YME1L1: variants seen among roughly 807,000 people sequenced by gnomAD.
YME1L1 encodes YME1 like 1 ATPase.
In YME1L1, 39 loss-of-function variants were observed where a neutral mutation model predicts 90.4. The ratio of observed to expected loss-of-function variants is 0.43; its 90% CI spans 0.33 to 0.56. YME1L1 has a LOEUF of 0.56. YME1L1 is among the 20% of genes least tolerant of loss of function. The pLI, the probability that YME1L1 is intolerant of heterozygous loss-of-function variation, is 0.03. For missense variants in YME1L1, 617 were observed against 868.4 expected, an observed-to-expected ratio of 0.71 and a Z score of 3.64; for synonymous variants, 284 against 287.3, an observed-to-expected ratio of 0.99 and a Z score of 0.12.
intron 7 of YME1L1, 51 bp from the exon 8 acceptor site, chr10:27,131,992 A>G: frequency 6.8e-7 from 1 of 1,472,656 alleles, no homozygotes; most frequent in Non-Finnish European, 9.3e-7. Flanking sequence ...TAACATTCCA[A>G]TCACCTTGTT....
In YME1L1 at chr10:27,111,959, T is replaced by A. The variant is rs755135572; in HGVS notation, c.*18A>T. On this transcript the variant is annotated 3_prime_UTR_variant, in exon 19 of 19. Coordinates refer to ENST00000376016, the MANE Select transcript of YME1L1 (RefSeq NM_014263.4). The stretch of plus-strand genomic sequence containing the variant: ...ATTCTTGCAATAAAACCAGCAAGCA[T>A]CCATATCAAGAGAGTTATCATCTCA... 6.2e-7 allele frequency: 1 copy of A among 1,613,832 alleles called. No individual in the cohort carries two copies. The highest frequency in any genetic ancestry group is 1.1e-5 in the South Asian group (1 of 91,066).
At chr10:27,147,767 A>G in intron 2 of YME1L1, 5 of 1,491,350 alleles carry the variant, frequency 3.4e-6, no homozygotes, top group Non-Finnish European at 4.5e-6. Context: ...GCTCCTGTCA[A>G]TTGTGCAGTT....
intron 4 of YME1L1, among the ~76,000 whole-genome samples, chr10:27,138,667 A>ACT (rs1216483692): frequency 6.6e-6 from 1 of 151,858 alleles, no homozygotes; most frequent in African/African-American, 2.4e-5. Context: ...AATGCAGTGA[A>ACT]CTCTTTATTT....
chr10:27,129,273 C>T (rs943694330), intron 8 of YME1L1: 3 of 152,096 alleles, frequency 2.0e-5, no homozygotes, highest in Non-Finnish European at 4.4e-5. Flanking sequence ...ACGCTGATGA[C>T]TGAAGTTTTC....
At chr10:27,132,547 C>A (rs756187716) in intron 7 of YME1L1, among the ~76,000 whole-genome samples, 1 of 151,946 alleles carries the variant, frequency 6.6e-6, no homozygotes, top group African/African-American at 2.4e-5. Context: ...AAAGACTGGG[C>A]GTGGTGGCTC....
chr10:27,147,487 C>A (rs543609810), intron 2 of YME1L1: 1 of 1,613,992 alleles, frequency 6.2e-7, no homozygotes, highest in South Asian at 1.1e-5. Flanking sequence ...TTGGAGAAAC[C>A]CGCAGTGTAC....
intron 11 of YME1L1, 125 bp downstream of exon 11, chr10:27,122,716 C>T (rs1564457937): frequency 1.8e-5 from 23 of 1,309,650 alleles, no homozygotes; most frequent in Non-Finnish European, 2.4e-5. Flanking sequence ...TTCCTATACA[C>T]ATCACATTTT....
chr10:27,121,799 C>T (rs2056870528), intron 11 of YME1L1, among the ~76,000 whole-genome samples: 1 of 145,742 alleles, frequency 6.9e-6, no homozygotes, highest in East Asian at 2.0e-4. Flanking sequence ...GGTTGGAGTT[C>T]AATGGTGCTC....
At chr10:27,126,568 T>A in intron 9 of YME1L1, 128 bp downstream of exon 9, 2 of 553,402 alleles carry the variant, frequency 3.6e-6, no homozygotes, top group Non-Finnish European at 6.3e-6. Flanking sequence ...TGAACATCTA[T>A]TTTGTAAAAT....
intron 3 of YME1L1, among the ~76,000 whole-genome samples, chr10:27,143,171 AG>A (rs1376029650): frequency 2.0e-5 from 3 of 148,268 alleles, no homozygotes; most frequent in African/African-American, 7.5e-5. Flanking sequence ...GGAGTTTGAG[AG>A]CAGCCTGAGC....
chr10:27,113,033 G>A (rs540266467), intron 18 of YME1L1, among the ~76,000 whole-genome samples: 6 of 150,970 alleles, frequency 4.0e-5, no homozygotes, highest in African/African-American at 1.2e-4. Context: ...ACCAGCCTGG[G>A]TAACATAGTG....
intron 8 of YME1L1, chr10:27,129,300 A>G (rs1432733093): frequency 6.6e-6 from 1 of 152,116 alleles, no homozygotes; most frequent in Non-Finnish European, 1.5e-5. Context: ...TCACTGCACC[A>G]ACCTCTTCCT....
Position 27,145,502 on chromosome 10 carries a change from C to T in YME1L1, c.257G>A (p.Cys86Tyr). 6.2e-7 allele frequency: 1 copy of T among 1,613,530 alleles called. No individual in the cohort carries two copies. The highest frequency in any genetic ancestry group is 8.5e-7 in the Non-Finnish European group (1 of 1,179,654). ...ATGGGAAGAAATGTTTTTGCCTTTA[C>T]AAAATCCAGGAAGTAGATTTTCTAC... ...QLVENLLPGF[C>Y]KGKNISSHWH... Residue 86 changes from cysteine to tyrosine, a missense_variant, in exon 3 of 19, where the codon TGT becomes TAT. This residue lies in a region of YME1L1 where 311 missense variants were observed against 335.8 expected (regional missense o/e 0.93). Transcript: ENST00000376016.
At chr10:27,120,403 C>G (rs1465371983) in intron 13 of YME1L1, 32 bp downstream of exon 13, 1 of 1,527,546 alleles carries the variant, frequency 6.5e-7, no homozygotes, top group African/African-American at 1.4e-5. Flanking sequence ...TACCACTTTA[C>G]AGAAATGACA....
intron 15 of YME1L1, among the ~76,000 whole-genome samples, chr10:27,117,240 T>C (rs1317339443): frequency 6.6e-6 from 1 of 152,154 alleles, no homozygotes; most frequent in Non-Finnish European, 1.5e-5. Flanking sequence ...CAAAACATAA[T>C]GTTTTCCCTT....
chr10:27,133,279 T>A (rs907233828), intron 7 of YME1L1, among the ~76,000 whole-genome samples: 1 of 152,170 alleles, frequency 6.6e-6, no homozygotes. Context: ...AGTAAAATAT[T>A]TGAGATCAAT....
chr10:27,124,360 T>C (rs566658367), intron 9 of YME1L1, among the ~76,000 whole-genome samples: 15 of 152,188 alleles, frequency 9.9e-5, no homozygotes, highest in South Asian at 8.3e-4. Context: ...TGGATGTTAA[T>C]TGTACTGTTC....
intron 2 of YME1L1, chr10:27,147,731 A>T: frequency 6.5e-7 from 1 of 1,543,442 alleles, no homozygotes; most frequent in Non-Finnish European, 8.8e-7. Flanking sequence ...TCCTGTCTGT[A>T]ACACCCGTGG....
At chr10:27,145,103 T>C (rs2057128507) in intron 3 of YME1L1, among the ~76,000 whole-genome samples, 2 of 152,254 alleles carry the variant, frequency 1.3e-5, no homozygotes, top group South Asian at 4.1e-4. Context: ...ATTGTGCCAC[T>C]GCACTCCAGC....
Sources: gnomAD v4.1 joint callset for allele counts (sites outside exome capture counted in the v4.1 genomes callset) on GRCh38, gnomAD v4.1.1 for gene constraint, gnomAD v4.1.1 regional missense constraint, MANE v1.5 for transcripts, NCBI Gene and HGNC (gene_info 2026-07-23, HGNC 2026-07-21) for gene names.